Variants in CUEDC1 observed in about 807,000 individuals in gnomAD.
CUEDC1 encodes the protein CUE domain containing 1, also known as CUE domain-containing protein 1.
Under a neutral mutation model 43.7 loss-of-function variants are expected in CUEDC1, and 30 were observed. The observed-to-expected ratio is 0.69, with a 90% CI of 0.51 to 0.93. CUEDC1 has a LOEUF of 0.93. Ranked by LOEUF, CUEDC1 falls within the 40% of genes least tolerant of loss-of-function variation. The pLI, the probability that CUEDC1 is intolerant of heterozygous loss-of-function variation, is 0.00. For synonymous variants in CUEDC1, 223 were observed against 223.6 expected (o/e 1.00, Z 0.02); for missense variants, 486 against 549.0 (o/e 0.89, Z 1.15).
chr17:57,866,499 T>C lies in CUEDC1; in HGVS notation c.1139A>G (p.Glu380Gly), dbSNP rs773094763. 2 of 1,614,144 alleles carry C rather than the reference T, an allele frequency of 1.2e-6. No individual in the cohort carries two copies. Among genetic ancestry groups the C allele is most frequent in the Admixed American group, 1.7e-5 (1 of 60,028 alleles). ...CTCTTACTGTCCTTCTCGCAGGCCT[T>C]CCTCCACCTTGGGTGCCTCCTGACG... ...GRRQEAPKVE[E>G]GLREGQ Residue 380 changes from glutamate (E) to glycine (G), a missense_variant, in exon 10 of 11, where the codon GAA becomes GGA. Glu to Gly is a moderately conservative substitution (Grantham distance 98). Transcript: ENST00000577830.
chr17:57,920,459 A>G (rs890606695), intron 1 of CUEDC1, among the ~76,000 whole-genome samples: 4 of 152,308 alleles, frequency 2.6e-5, no homozygotes, highest in African/African-American at 9.6e-5. Flanking sequence ...CAAGATGGTT[A>G]GGGATTATAA....
At chr17:57,868,886 G>A (rs558868038) in intron 7 of CUEDC1, among the ~76,000 whole-genome samples, 14 of 152,322 alleles carry the variant, frequency 9.2e-5, no homozygotes, top group South Asian at 4.1e-4. Flanking sequence ...TGTGTGGCAC[G>A]TTATTTTTCT....
intron 1 of CUEDC1, among the ~76,000 whole-genome samples, chr17:57,890,723 C>T (rs569643441): frequency 1.3e-5 from 2 of 152,340 alleles, no homozygotes; most frequent in Admixed American, 6.5e-5. Context: ...GCTTGGCCCA[C>T]GGAGGTGGGC....
chr17:57,944,156 C>T (rs1438159146), intron 1 of CUEDC1, among the ~76,000 whole-genome samples: 1 of 151,162 alleles, frequency 6.6e-6, no homozygotes, highest in African/African-American at 2.4e-5. Flanking sequence ...CTGGCATATG[C>T]AGTAAGCATG....
chr17:57,922,327 T>G (rs919596074), intron 1 of CUEDC1: 1 of 152,166 alleles, frequency 6.6e-6, no homozygotes, highest in Non-Finnish European at 1.5e-5. Context: ...TAACCTCCTT[T>G]CCTCAAGACT....
Position 57,885,624 on chromosome 17 carries a change from CT to C in CUEDC1, c.-61del. ...GGCCGCAAAGCCCCTTCCCCAGGGTCTTTCCGCCGTCAGCCGCTTACTTGCC... is the reference window on the plus strand; with the variant it reads ...GGCCGCAAAGCCCCTTCCCCAGGGTCTTCCGCCGTCAGCCGCTTACTTGCC... On this transcript the variant is annotated 5_prime_UTR_variant, in exon 2 of 11. Transcript: ENST00000577830. 1.5e-6 allele frequency: 2 copies of C among 1,337,230 alleles called. No homozygotes were observed. Among genetic ancestry groups the C allele is most frequent in the Non-Finnish European group, 1.9e-6 (2 of 1,050,040 alleles). The allele number at this position is 1,337,230 out of a possible 1,614,324, so 82.8% of individuals were successfully genotyped here.
In CUEDC1 at chr17:57,867,314, G is replaced by A. The variant is rs771324299; in HGVS notation, c.1093+43C>T. ...CCAGGAACTCCGCTGGGAGATCACC[G>A]ATCATAGAGAAGTTGGAGCTTACGA... On this transcript the variant is annotated intron_variant, in intron 9 of 10. Coordinates refer to ENST00000577830, the MANE Select transcript of CUEDC1 (RefSeq NM_001271875.2). The A allele has an allele frequency of 1.0e-5, 16 of 1,532,902 alleles. No homozygotes were observed. The Admixed American group carries it at 1.4e-4, about 13-fold the overall frequency. 95.0% of individuals were successfully genotyped at this position (1,532,902 alleles called of 1,614,324 possible).
chr17:57,877,615 G>C (rs2074144508), intron 3 of CUEDC1, among the ~76,000 whole-genome samples: 2 of 149,786 alleles, frequency 1.3e-5, no homozygotes. Context: ...GGATAGGCCC[G>C]GTGGCTTATA....
At chr17:57,921,380 A>C (rs2074697024) in intron 1 of CUEDC1, among the ~76,000 whole-genome samples, 2 of 152,160 alleles carry the variant, frequency 1.3e-5, no homozygotes, top group African/African-American at 4.8e-5. Context: ...AAAAAAAAGC[A>C]GTGAAACATT....
intron 1 of CUEDC1, among the ~76,000 whole-genome samples, chr17:57,929,138 A>C (rs1471424078): frequency 6.6e-6 from 1 of 152,172 alleles, no homozygotes; most frequent in Non-Finnish European, 1.5e-5. Context: ...AACAATGACA[A>C]TGATGCTGCT....
chr17:57,924,254 C>T (rs1034814980), intron 1 of CUEDC1, among the ~76,000 whole-genome samples: 2 of 152,144 alleles, frequency 1.3e-5, no homozygotes, highest in Non-Finnish European at 2.9e-5. Context: ...TACGGGCGGA[C>T]GCCACCATGC....
chr17:57,918,947 G>A (rs183891570), intron 1 of CUEDC1, among the ~76,000 whole-genome samples: 139 of 152,250 alleles, frequency 9.1e-4, no homozygotes, highest in African/African-American at 3.3e-3. Context: ...TCCACCTCCC[G>A]GGATGAAGCG....
At chr17:57,886,146 AC>A (rs754599649) in intron 1 of CUEDC1, among the ~76,000 whole-genome samples, 2 of 152,202 alleles carry the variant, frequency 1.3e-5, no homozygotes, top group Non-Finnish European at 2.9e-5. Flanking sequence ...TCATGACAAT[AC>A]TGTAAGGTAT....
chr17:57,871,100 A>C (rs1229842894), intron 6 of CUEDC1, among the ~76,000 whole-genome samples, 186 bp downstream of exon 6: 1 of 152,226 alleles, frequency 6.6e-6, no homozygotes, highest in Non-Finnish European at 1.5e-5. Context: ...AAGACCCCAG[A>C]GCTGCTAAAT....
intron 1 of CUEDC1, among the ~76,000 whole-genome samples, chr17:57,947,437 C>T (rs1344057497): frequency 6.6e-6 from 1 of 152,190 alleles, no homozygotes; most frequent in Non-Finnish European, 1.5e-5. Flanking sequence ...CTGTAACCAT[C>T]TTGCTGTAAT....
intron 10 of CUEDC1, among the ~76,000 whole-genome samples, chr17:57,865,371 G>T (rs867732689): frequency 1.4e-4 from 21 of 152,192 alleles, no homozygotes; most frequent in South Asian, 2.1e-4. Context: ...GCAGAGAGGA[G>T]AGGGCACTTG....
intron 9 of CUEDC1, 116 bp downstream of exon 9, chr17:57,867,241 C>T: frequency 1.0e-6 from 1 of 975,822 alleles, no homozygotes. Context: ...GCCCACCAAC[C>T]CTCAGTGTGT....
intron 1 of CUEDC1, among the ~76,000 whole-genome samples, chr17:57,919,946 A>G (rs2074683035): frequency 6.6e-6 from 1 of 152,236 alleles, no homozygotes; most frequent in African/African-American, 2.4e-5. Context: ...TCTAGACAAT[A>G]TTAATAACTA....
intron 2 of CUEDC1, among the ~76,000 whole-genome samples, chr17:57,884,954 C>G (rs923686784): frequency 6.6e-6 from 1 of 152,240 alleles, no homozygotes; most frequent in African/African-American, 2.4e-5. Flanking sequence ...TGCCTCCTGA[C>G]TCAGGGTCTA....
Sources: gnomAD v4.1 joint callset for allele counts (sites outside exome capture counted in the v4.1 genomes callset) on GRCh38, gnomAD v4.1.1 for gene constraint, MANE v1.5 for transcripts, NCBI Gene and HGNC (gene_info 2026-07-23, HGNC 2026-07-21) for gene names.